ERCC6L2: variants seen among roughly 807,000 people sequenced by gnomAD.
The protein encoded by ERCC6L2 is ERCC excision repair 6 like 2.
Under a neutral mutation model 132.0 loss-of-function variants are expected in ERCC6L2, and 77 were observed. The ratio of observed to expected loss-of-function variants is 0.58; its 90% confidence interval spans 0.49 to 0.71. The LOEUF is 0.71. ERCC6L2 is among the 30% of genes least tolerant of loss of function. The pLI is 0.00. For synonymous variants in ERCC6L2, 583 were observed against 632.4 expected (o/e 0.92, Z 1.17); for missense variants, 1,542 against 1,837.6 (o/e 0.84, Z 2.94).
At chr9:95,981,119 A>G (rs139041384) in intron 17 of ERCC6L2, among the ~76,000 whole-genome samples, 20 of 152,346 alleles carry the variant, frequency 1.3e-4, no homozygotes, top group East Asian at 9.6e-4. Context: ...CAGTATTTCA[A>G]TTTCTAAAGA....
chr9:95,923,973 C>CTTGA (rs1252022002), intron 9 of ERCC6L2, among the ~76,000 whole-genome samples: 1 of 152,226 alleles, frequency 6.6e-6, no homozygotes, highest in Non-Finnish European at 1.5e-5. Flanking sequence ...GTTCTCCAAC[C>CTTGA]TTGACCCAGG....
At chr9:95,876,627 A>C (rs1354888072) in intron 1 of ERCC6L2, 1 of 152,294 alleles carries the variant, frequency 6.6e-6, no homozygotes, top group Non-Finnish European at 1.5e-5. Flanking sequence ...ATCTACCACA[A>C]GTCACCTGGG....
Position 95,895,373 on chromosome 9 carries a change from T to C in ERCC6L2, c.472-2476T>C, listed in dbSNP as rs113301089. On this transcript the variant is annotated intron_variant, in intron 2 of 18. Coordinates refer to ENST00000653738, the MANE Select transcript of ERCC6L2 (RefSeq NM_020207.7). ...GGAAATATATTTTATTTGGACAGTCTTTATCTTTTGTTTAGACAGTTTAGT... is the reference window on the plus strand; with the variant it reads ...GGAAATATATTTTATTTGGACAGTCCTTATCTTTTGTTTAGACAGTTTAGT... 1.6e-3 allele frequency among the ~76,000 whole-genome samples: 250 copies of C among 152,294 alleles called. 3 individuals are homozygous for C. The South Asian group carries it at 0.02, about 12-fold the overall frequency.
At chr9:95,980,442 T>C (rs1334979476) in intron 17 of ERCC6L2, among the ~76,000 whole-genome samples, 6 of 152,208 alleles carry the variant, frequency 3.9e-5, no homozygotes, top group Non-Finnish European at 2.9e-5. Context: ...GCACCATTGC[T>C]AGCAGCCCAA....
intron 2 of ERCC6L2, among the ~76,000 whole-genome samples, chr9:95,890,148 G>C (rs999824688): frequency 1.3e-5 from 2 of 152,056 alleles, no homozygotes; most frequent in African/African-American, 4.8e-5. Flanking sequence ...CTTTCATCTA[G>C]ACTATTCCAG....
At chr9:95,973,133 T>G (rs1832503797) in intron 16 of ERCC6L2, 45 bp downstream of exon 16, 1 of 1,172,806 alleles carries the variant, frequency 8.5e-7, no homozygotes, top group African/African-American at 1.6e-5. Context: ...TATATTTGTT[T>G]TATCAAATAG....
At chr9:95,920,457 T>G (rs1211454540) in intron 6 of ERCC6L2, among the ~76,000 whole-genome samples, 2 of 152,202 alleles carry the variant, frequency 1.3e-5, no homozygotes, top group African/African-American at 4.8e-5. Flanking sequence ...TCTCAACTAT[T>G]TATACTGTTG....
intron 13 of ERCC6L2, among the ~76,000 whole-genome samples, chr9:95,962,564 G>A (rs1291416159): frequency 1.3e-5 from 2 of 152,162 alleles, no homozygotes; most frequent in African/African-American, 4.8e-5. Context: ...GTGGCAAGAT[G>A]TCTGAAGACA....
intron 16 of ERCC6L2, among the ~76,000 whole-genome samples, chr9:95,974,753 A>G (rs62563007): frequency 6.8e-6 from 1 of 146,098 alleles, no homozygotes; most frequent in Non-Finnish European, 1.5e-5. Flanking sequence ...TGTGTATTTT[A>G]TATTTATACA....
At chr9:95,992,988 T>C (rs1474985171) in intron 17 of ERCC6L2, among the ~76,000 whole-genome samples, 1 of 152,144 alleles carries the variant, frequency 6.6e-6, no homozygotes, top group African/African-American at 2.4e-5. Context: ...AAATAAAACT[T>C]AGTACATACA....
chr9:95,935,768 G>A (rs567914888), intron 11 of ERCC6L2, among the ~76,000 whole-genome samples: 21 of 152,262 alleles, frequency 1.4e-4, no homozygotes, highest in Admixed American at 3.9e-4. Context: ...CATTGAGGCC[G>A]ATTGGTCTCT....
chr9:95,964,594 C>T (rs1235098896), intron 13 of ERCC6L2, among the ~76,000 whole-genome samples: 2 of 152,146 alleles, frequency 1.3e-5, no homozygotes, highest in Non-Finnish European at 2.9e-5. Flanking sequence ...CACTGCTGGC[C>T]TTGAAGATGG....
At chr9:95,888,045 C>G (rs1254649463) in intron 2 of ERCC6L2, among the ~76,000 whole-genome samples, 1 of 148,946 alleles carries the variant, frequency 6.7e-6, no homozygotes, top group Non-Finnish European at 1.5e-5. Context: ...GAGCTAGACC[C>G]CATTTCAAAA....
At chr9:95,938,097 G>A (rs892627334) in intron 11 of ERCC6L2, among the ~76,000 whole-genome samples, 18 of 151,208 alleles carry the variant, frequency 1.2e-4, no homozygotes, top group Non-Finnish European at 2.1e-4. Context: ...CTATTTAGAT[G>A]TATGTTGTTT....
chr9:95,902,445 T>A (rs1380643784), intron 3 of ERCC6L2, among the ~76,000 whole-genome samples: 1 of 152,180 alleles, frequency 6.6e-6, no homozygotes, highest in African/African-American at 2.4e-5. Context: ...TTAACAAAAA[T>A]ATTTTATAAT....
chr9:95,988,619 A>G (rs1262926881), intron 17 of ERCC6L2, among the ~76,000 whole-genome samples: 1 of 152,146 alleles, frequency 6.6e-6, no homozygotes, highest in Admixed American at 6.5e-5. Flanking sequence ...ATCCTCCAGA[A>G]ATTTAATTTT....
chr9:95,896,408 AT>A (rs11371289), intron 2 of ERCC6L2, among the ~76,000 whole-genome samples: 18,689 of 136,326 alleles, frequency 0.14, 1,310 homozygotes, highest in Admixed American at 0.17. Flanking sequence ...TTGTTTTTTG[AT>A]TTTTTTTTTT....
At chr9:96,034,000 C>G (rs1307049589) in intron 19 of ERCC6L2, among the ~76,000 whole-genome samples, 1 of 152,210 alleles carries the variant, frequency 6.6e-6, no homozygotes, top group Admixed American at 6.5e-5. Context: ...AGCCAAGGTG[C>G]TCCGGGTGGC....
intron 17 of ERCC6L2, among the ~76,000 whole-genome samples, chr9:95,981,487 G>C (rs892636289): frequency 6.6e-6 from 1 of 152,076 alleles, no homozygotes; most frequent in South Asian, 2.1e-4. Flanking sequence ...ATTGTTATTT[G>C]ATAGTACAAA....
Sources: gnomAD v4.1 joint callset for allele counts (sites outside exome capture counted in the v4.1 genomes callset) on GRCh38, gnomAD v4.1.1 for gene constraint, MANE v1.5 for transcripts, NCBI Gene and HGNC (gene_info 2026-07-23, HGNC 2026-07-21) for gene names.